The following ABCC6 variants were observed in gnomAD, a reference collection of about 807,000 sequenced individuals.
ABCC6 encodes the protein ATP-binding cassette sub-family C member 6.
In ABCC6, 126 loss-of-function variants were observed where a neutral mutation model predicts 169.5. That is an observed-to-expected ratio of 0.74 (90% CI 0.64 to 0.86). ABCC6 has a LOEUF of 0.86. ABCC6 is among the 40% of genes least tolerant of loss of function. The pLI is 0.00. For synonymous variants in ABCC6, 752 were observed against 814.7 expected, an observed-to-expected ratio of 0.92 and a Z score of 1.31; for missense variants, 1,733 against 1,927.2, an observed-to-expected ratio of 0.90 and a Z score of 1.89.
intron 12 of ABCC6, among the ~76,000 whole-genome samples, chr16:16,189,205 G>A (rs755870681): frequency 5.3e-5 from 8 of 152,216 alleles, no homozygotes; most frequent in African/African-American, 9.7e-5. Context: ...TGATGAGTGC[G>A]CAGCCCCACG....
chr16:16,198,194 G>A lies in ABCC6; in HGVS notation c.1177-12C>T, dbSNP rs57315199. The A allele has an allele frequency of 6.3e-7, 1 of 1,579,420 alleles. No individual in the cohort carries two copies. The highest frequency in any genetic ancestry group is 1.3e-5 in the African/African-American group (1 of 74,416). On this transcript the variant is annotated splice_polypyrimidine_tract_variant and intron_variant, in intron 9 of 30. Coordinates refer to ENST00000205557, the MANE Select transcript of ABCC6 (RefSeq NM_001171.6). ...GACAGAGCCAGGACCTGGCGGGTGG[G>A]CAGAAGGAGAGAAGTAAAGTGGGGA...
chr16:16,208,888 T>C, intron 6 of ABCC6, 29 bp from the exon 7 acceptor site: 1 of 1,613,324 alleles, frequency 6.2e-7, no homozygotes, highest in Non-Finnish European at 8.5e-7. Context: ...AGGGAAAGCT[T>C]TTCCTGCCAT....
intron 29 of ABCC6, among the ~76,000 whole-genome samples, chr16:16,151,653 C>T (rs1258168331): frequency 3.3e-5 from 5 of 152,194 alleles, no homozygotes; most frequent in Non-Finnish European, 7.3e-5. Context: ...TTTCTAGTTT[C>T]CACCTTGTGC....
chr16:16,194,828 G>C (rs1180170377), intron 10 of ABCC6, among the ~76,000 whole-genome samples: 3 of 152,016 alleles, frequency 2.0e-5, no homozygotes, highest in African/African-American at 2.4e-5. Context: ...GGGATTACAG[G>C]CATGTGTCAC....
In ABCC6 at chr16:16,175,960, C is replaced by T; in HGVS notation, c.2617G>A (p.Asp873Asn). 6.2e-7 allele frequency: 1 copy of T among 1,614,146 alleles called. No individual in the cohort carries two copies. Among genetic ancestry groups the T allele is most frequent in the South Asian group, 1.1e-5 (1 of 91,090 alleles). Residue 873 changes from aspartate to asparagine, a missense_variant, in exon 20 of 31, where the codon GAC (aspartate) becomes AAC (asparagine). Around this residue, in one of 5 missense-constraint regions of ABCC6, gnomAD observed 1,601 missense variants for 1,635.5 expected, o/e 0.98. Coordinates refer to ENST00000205557, the MANE Select transcript of ABCC6 (RefSeq NM_001171.6). ...GETEPGTSTKDPRGTSAGRRP... is the reference protein window; with the variant it reads ...GETEPGTSTKNPRGTSAGRRP... ...CTGCCTGCAGAGGTGCCTCTGGGGT[C>T]CTTGGTGCTGGTCCCAGGTTCTGTT... is the stretch of plus-strand genomic sequence containing the variant.
intron 7 of ABCC6, among the ~76,000 whole-genome samples, chr16:16,206,384 G>C (rs2048391807): frequency 6.6e-6 from 1 of 152,020 alleles, no homozygotes; most frequent in Admixed American, 6.6e-5. Context: ...CAGCACTTTG[G>C]GAGGCCAATG....
At chr16:16,157,202 G>T (rs1460403916) in intron 27 of ABCC6, among the ~76,000 whole-genome samples, 1 of 152,118 alleles carries the variant, frequency 6.6e-6, no homozygotes, top group Non-Finnish European at 1.5e-5. Context: ...CTTTCTATGA[G>T]CTAAGCATGT....
At chr16:16,191,315 C>T (rs1220912592) in intron 11 of ABCC6, among the ~76,000 whole-genome samples, 2 of 152,106 alleles carry the variant, frequency 1.3e-5, no homozygotes, top group African/African-American at 4.8e-5. Context: ...AGGGTTATGC[C>T]ATGTTGGCCA....
intron 27 of ABCC6, chr16:16,155,357 C>T (rs2046518092): frequency 2.3e-6 from 1 of 437,512 alleles, no homozygotes; most frequent in African/African-American, 2.0e-5. Context: ...TACCCCATCC[C>T]ATCCATCTGT....
At chr16:16,215,658 G>C (rs2152297022) in intron 4 of ABCC6, among the ~76,000 whole-genome samples, 1 of 151,672 alleles carries the variant, frequency 6.6e-6, no homozygotes, top group South Asian at 2.1e-4. Flanking sequence ...ATTTTTAGTA[G>C]AGATGGAGTT....
In ABCC6 at chr16:16,161,670, T is replaced by G. The variant is rs942904079; in HGVS notation, c.3507-106A>C. 2.7e-6 allele frequency: 4 copies of G among 1,498,344 alleles called. No homozygotes were observed. The African/African-American group carries it at 4.2e-5, about 16-fold the overall frequency. The allele number at this position is 1,498,344 out of a possible 1,614,324, so 92.8% of individuals were successfully genotyped here. ...CACACCAGCTTTGTACACACAGGGG[T>G]CCCAGCAATGGCCTCCACATGCAAC... On this transcript the variant is annotated intron_variant, in intron 24 of 30. Coordinates refer to ENST00000205557, the MANE Select transcript of ABCC6 (RefSeq NM_001171.6).
rs772509943 is a variant in ABCC6 at position 16,184,943 on chromosome 16, G to A, written c.1943+16C>T. 1.1e-5 allele frequency: 18 copies of A among 1,608,098 alleles called. No individual in the cohort carries two copies. Among genetic ancestry groups the A allele is most frequent in the African/African-American group, 1.3e-5 (1 of 74,938 alleles). On this transcript the variant is annotated intron_variant, in intron 15 of 30. Transcript: ENST00000205557. ...CTAAAAACATGAGGCTGGTTACTAC[G>A]GGTGTCGTTCTGTACCTGTGGAGGC...
intron 4 of ABCC6, among the ~76,000 whole-genome samples, chr16:16,215,764 G>A (rs1409915713): frequency 2.0e-5 from 3 of 151,654 alleles, no homozygotes; most frequent in Admixed American, 1.3e-4. Flanking sequence ...ATGAGCCACC[G>A]CGCCCGGCCT....
chr16:16,154,263 C>CAA (rs569078423), intron 29 of ABCC6, among the ~76,000 whole-genome samples: 3 of 146,132 alleles, frequency 2.1e-5, no homozygotes, highest in South Asian at 4.3e-4. Flanking sequence ...TGACATTTAC[C>CAA]AAAAAAAAAA....
At chr16:16,167,510 C>G (rs1360307761) in intron 22 of ABCC6, among the ~76,000 whole-genome samples, 1 of 152,204 alleles carries the variant, frequency 6.6e-6, no homozygotes, top group African/African-American at 2.4e-5. Context: ...TGCTCTGTCA[C>G]CCAGGCTGGA....
chr16:16,194,161 C>CATCT (rs1415136803), intron 10 of ABCC6, among the ~76,000 whole-genome samples: 3 of 152,208 alleles, frequency 2.0e-5, no homozygotes, highest in Non-Finnish European at 4.4e-5. Context: ...TGGGGCAAGT[C>CATCT]ATCTCCCTTA....
intron 8 of ABCC6, among the ~76,000 whole-genome samples, chr16:16,202,641 T>C (rs2048282431): frequency 6.6e-6 from 1 of 151,722 alleles, no homozygotes; most frequent in South Asian, 2.1e-4. Flanking sequence ...GGAAAGACCA[T>C]ATGGGGACAC....
intron 4 of ABCC6, 96 bp from the exon 5 acceptor site, chr16:16,214,545 G>C (rs2048779858): frequency 6.5e-7 from 1 of 1,545,780 alleles, no homozygotes. Flanking sequence ...CCCACTCTGG[G>C]GACCAGGGCA....
chr16:16,202,114 G>A lies in ABCC6; in HGVS notation c.1063C>T (p.Leu355=). ...PAWKGYLLAV[L]MFLSACLQTL... ...TGCAGGCAGGCTGAGAGGAACATCA[G>A]CACGGCGAGGAGGTAGCCCTTCCAG... The change falls in exon 9 of 31, where the codon CTG becomes TTG. Residue 355 remains leucine, a synonymous_variant. Coordinates refer to ENST00000205557, the MANE Select transcript of ABCC6 (RefSeq NM_001171.6). 6.2e-7 allele frequency: 1 copy of A among 1,613,952 alleles called. No individual in the cohort carries two copies. The highest frequency in any genetic ancestry group is 1.3e-5 in the African/African-American group (1 of 75,018).
Sources: allele counts gnomAD v4.1 joint callset (sites outside exome capture counted in the v4.1 genomes callset), GRCh38; gene constraint gnomAD v4.1.1; regional missense constraint gnomAD v4.1.1; transcripts MANE v1.5; gene names NCBI Gene and HGNC (gene_info 2026-07-23, HGNC 2026-07-21).